NSUN7: variants seen among roughly 807,000 people sequenced by gnomAD.
NSUN7 encodes protein NSUN7.
A neutral mutation model predicts 58.5 loss-of-function variants in NSUN7; 39 were observed. That is an observed-to-expected ratio of 0.67 (90% confidence interval 0.52 to 0.87). NSUN7 has a LOEUF of 0.87. NSUN7 is among the 40% of genes least tolerant of loss of function. The pLI, the probability that NSUN7 is intolerant of heterozygous loss-of-function variation, is 0.00. For synonymous variants in NSUN7, 278 were observed against 303.7 expected (o/e 0.92, Z 0.88); for missense variants, 765 against 844.1 (o/e 0.91, Z 1.16).
Position 40,808,892 on chromosome 4 carries a change from G to T in NSUN7, c.2110G>T (p.Asp704Tyr). 7.8e-6 allele frequency: 12 copies of T among 1,543,596 alleles called. No individual in the cohort carries two copies. The highest frequency in any genetic ancestry group is 1.0e-5 in the Non-Finnish European group (12 of 1,146,254). The stretch of plus-strand genomic sequence containing the variant: ...ATCCAGAAAAGAGGAAAAGCCTAAA[G>T]ATGACACACCTTCCTCCCTACTCAG... ...SLSRKEEKPK[D>Y]DTPSSLLRPP... Residue 704 changes from aspartate (D) to tyrosine (Y), a missense_variant, in exon 12 of 12, where the codon GAT becomes TAT. Coordinates refer to ENST00000381782, the MANE Select transcript of NSUN7 (RefSeq NM_024677.6).
At chr4:40,753,692 T>G (rs1168491759) in intron 2 of NSUN7, among the ~76,000 whole-genome samples, 1 of 152,240 alleles carries the variant, frequency 6.6e-6, no homozygotes, top group African/African-American at 2.4e-5. Flanking sequence ...CTTATAATAA[T>G]ACGTTGATAT....
At chr4:40,807,001 C>T in intron 10 of NSUN7, 60 bp from the exon 11 acceptor site, 1 of 1,519,698 alleles carries the variant, frequency 6.6e-7, no homozygotes, top group South Asian at 1.3e-5. Context: ...AATTTACTTT[C>T]TTCCTCTCTT....
chr4:40,775,985 A>G lies in NSUN7; in HGVS notation c.826-64A>G, dbSNP rs904597969. The G allele has an allele frequency of 2.1e-5, 22 of 1,059,672 alleles. No individual in the cohort carries two copies. The Admixed American group carries it at 2.2e-4, about 10-fold the overall frequency. The allele number at this position is 1,059,672 out of a possible 1,614,324, so 65.6% of individuals were successfully genotyped here. A position where few individuals can be genotyped will look rare whatever the true frequency, so the allele number is the denominator to read the frequency against. ...AGGTACTTTCTTTTATGTAAAGCAAATAGAAGTCAGCTTATATTTCTAGCC... is the reference window on the plus strand; with the variant it reads ...AGGTACTTTCTTTTATGTAAAGCAAGTAGAAGTCAGCTTATATTTCTAGCC... On this transcript the variant is annotated intron_variant, in intron 6 of 11. Coordinates refer to ENST00000381782, the MANE Select transcript of NSUN7 (RefSeq NM_024677.6). The surrounding 1 kb of genome is among the most constrained non-coding windows in gnomAD (Gnocchi z 4.3).
Position 40,787,850 on chromosome 4 carries a change from G to A in NSUN7, c.1037-2752G>A, listed in dbSNP as rs150183368. 5.2e-3 allele frequency among the ~76,000 whole-genome samples: 786 copies of A among 152,060 alleles called. 1 individual carries two copies. Among genetic ancestry groups the A allele is most frequent in the Non-Finnish European group, 8.8e-3 (596 of 67,980 alleles). On this transcript the variant is annotated intron_variant, in intron 7 of 11. Coordinates refer to ENST00000381782, the MANE Select transcript of NSUN7 (RefSeq NM_024677.6). ...TTTCCTTTTATTTATTTATTTTTTT[G>A]AGACGGAGTCTTGCTCTGTCGCCCA...
Position 40,775,929 on chromosome 4 carries a change from T to G in NSUN7, c.826-120T>G, listed in dbSNP as rs148872276. ...TAGACATATATTAAGATGTTAAAAC[T>G]AAAATTGGTTAGGTCTCTAATATTA... On this transcript the variant is annotated intron_variant, in intron 6 of 11. Transcript: ENST00000381782. This position sits in a 1 kb window ranked among gnomAD's most constrained non-coding sequence, Gnocchi z 4.3. 2 of 559,806 alleles carry G rather than the reference T, an allele frequency of 3.6e-6. No individual in the cohort carries two copies. The highest frequency in any genetic ancestry group is 2.9e-5 in the East Asian group (1 of 33,972). The allele number at this position is 559,806 out of a possible 1,614,324, so 34.7% of individuals were successfully genotyped here. A position where few individuals can be genotyped will look rare whatever the true frequency, so the allele number is the denominator to read the frequency against.
At chr4:40,762,310 A>G (rs1318812720) in intron 4 of NSUN7, among the ~76,000 whole-genome samples, 3 of 152,246 alleles carry the variant, frequency 2.0e-5, no homozygotes, top group African/African-American at 7.2e-5. Flanking sequence ...ACTTTAATAG[A>G]AAGTACAATG....
chr4:40,809,203 T>C lies in NSUN7; in HGVS notation c.*264T>C, dbSNP rs1277648580. 1.2e-5 allele frequency: 4 copies of C among 331,348 alleles called. No homozygotes were observed. The highest frequency in any genetic ancestry group is 9.4e-5 in the Admixed American group (2 of 21,338). The allele number at this position is 331,348 out of a possible 1,614,324, so 20.5% of individuals were successfully genotyped here. On this transcript the variant is annotated 3_prime_UTR_variant, in exon 12 of 12. Coordinates refer to ENST00000381782, the MANE Select transcript of NSUN7 (RefSeq NM_024677.6). ...AGACTCAGTATCAGCGGTCAGAACT[T>C]ATCTCACTCCTGTGAACTTTCAGGC... is the stretch of plus-strand genomic sequence containing the variant.
intron 7 of NSUN7, chr4:40,786,177 C>T (rs1320477716): frequency 1.3e-5 from 21 of 1,613,398 alleles, no homozygotes; most frequent in Non-Finnish European, 1.6e-5. Flanking sequence ...AGTCCTTCCA[C>T]ATTGTTATTC....
chr4:40,807,201 C>G lies in NSUN7; in HGVS notation c.1524+17C>G. 6.5e-7 allele frequency: 1 copy of G among 1,542,514 alleles called. No homozygotes were observed. On this transcript the variant is annotated intron_variant, in intron 11 of 11. Coordinates refer to ENST00000381782, the MANE Select transcript of NSUN7 (RefSeq NM_024677.6). Reference sequence around the variant, plus strand: ...ACAAGGGAGGTAAGGAAAAAAAATCCTAATCCATGTCATACTTTGGAATTA... The same window carrying G: ...ACAAGGGAGGTAAGGAAAAAAAATCGTAATCCATGTCATACTTTGGAATTA...
At position 40,808,610 on chromosome 4, in the gene NSUN7, GC is replaced by G. The variant is rs1560567993; in HGVS notation, c.1834del (p.His612IlefsTer8). The part of the protein sequence containing the change: ...SSQTRKPNKL[A>X]PHPAVPAFVK... ...ACAGACCAGAAAACCCAACAAGCTGGCCCCCCATCCTGCAGTGCCTGCATTT... is the reference window on the plus strand; with the variant it reads ...ACAGACCAGAAAACCCAACAAGCTGGCCCCCATCCTGCAGTGCCTGCATTT... On this transcript the variant is annotated frameshift_variant, in exon 12 of 12. Transcript: ENST00000381782. LOFTEE classifies it low-confidence loss of function (END_TRUNC). The G allele has an allele frequency of 1.3e-6, 2 of 1,551,474 alleles. No homozygotes were observed. Among genetic ancestry groups the G allele is most frequent in the Admixed American group, 2.0e-5 (1 of 50,952 alleles).
rs74400351 is a variant in NSUN7, at chr4:40,750,367, T to C, written c.-92+67T>C. The C allele has an allele frequency of 1.7e-5, 4 of 239,088 alleles. No individual in the cohort carries two copies. The East Asian group carries it at 3.9e-4, about 23-fold the overall frequency. The allele number at this position is 239,088 out of a possible 1,614,324, so 14.8% of individuals were successfully genotyped here. On this transcript the variant is annotated intron_variant, in intron 1 of 11. Coordinates refer to ENST00000381782, the MANE Select transcript of NSUN7 (RefSeq NM_024677.6). Reference sequence around the variant, plus strand: ...ACGCGGACGGGGCTCCGGGGGCAGCTCTGCCCCCAGACTGGCTTGAGGGAA... The same window carrying C: ...ACGCGGACGGGGCTCCGGGGGCAGCCCTGCCCCCAGACTGGCTTGAGGGAA...
In NSUN7 at chr4:40,794,440, C is replaced by T; in HGVS notation, c.1246C>T (p.Gln416Ter). 10 of 1,611,874 alleles carry T rather than the reference C, an allele frequency of 6.2e-6. No homozygotes were observed. Among genetic ancestry groups the T allele is most frequent in the Non-Finnish European group, 8.5e-6 (10 of 1,178,340 alleles). ...AGTGGACAAACTTCACGTTCTTGCT[C>T]AACAGCAGTATGAACAGCTAACACA... The part of the protein sequence containing the change: ...ISVDKLHVLA[Q>*]QQYEQLTHAM... The change falls in exon 9 of 12, where the codon CAA (glutamine) becomes TAA (stop). Residue 416 changes from glutamine (Q) to a stop codon, truncating the protein, a stop_gained. Transcript: ENST00000381782. LOFTEE classifies it high-confidence loss of function.
chr4:40,772,397 C>A (rs1359162534), intron 4 of NSUN7, among the ~76,000 whole-genome samples: 1 of 152,120 alleles, frequency 6.6e-6, no homozygotes. Flanking sequence ...TTTTGAGGTG[C>A]ATTAATGTAC....
At chr4:40,805,046 C>G (rs913501979) in intron 10 of NSUN7, among the ~76,000 whole-genome samples, 1 of 152,144 alleles carries the variant, frequency 6.6e-6, no homozygotes, top group African/African-American at 2.4e-5. Flanking sequence ...GTGTTATCCA[C>G]GGCAGCGAGC....
In NSUN7 at chr4:40,809,906, T is replaced by A. The variant is rs979341180; in HGVS notation, c.*967T>A. ...TGTATTCTCAATTGCCTACCAAAAATTGGTATGATTATCATTTCTGGGTCT... is the reference window on the plus strand; with the variant it reads ...TGTATTCTCAATTGCCTACCAAAAAATGGTATGATTATCATTTCTGGGTCT... On this transcript the variant is annotated 3_prime_UTR_variant, in exon 12 of 12. Transcript: ENST00000381782. The A allele has an allele frequency of 6.6e-6, 1 of 152,202 alleles. No homozygotes were observed. The highest frequency in any genetic ancestry group is 2.4e-5 in the African/African-American group (1 of 41,438). The allele number at this position is 152,202 out of a possible 1,614,324, so 9.4% of individuals were successfully genotyped here.
At position 40,774,348 on chromosome 4, in the gene NSUN7, C is replaced by T. The variant is rs780501103; in HGVS notation, c.572C>T (p.Thr191Ile). Residue 191 changes from threonine (T) to isoleucine (I), a missense_variant, in exon 5 of 12, where the codon ACA becomes ATA. Physicochemically the swap from Thr to Ile is moderately conservative, Grantham distance 89. Coordinates refer to ENST00000381782, the MANE Select transcript of NSUN7 (RefSeq NM_024677.6). ...ALSIYHILPE[T>I]VRKQELRAST... is the part of the protein sequence containing the mutation. The stretch of plus-strand genomic sequence containing the variant: ...TCAATTTACCACATCCTTCCAGAAA[C>T]AGTTAGGAAACAGGAACTAAGGGCC... 1 of 1,613,954 alleles carries T rather than the reference C, an allele frequency of 6.2e-7. No homozygotes were observed. The highest frequency in any genetic ancestry group is 1.1e-5 in the South Asian group (1 of 91,078).
intron 2 of NSUN7, among the ~76,000 whole-genome samples, chr4:40,759,613 A>C (rs1213162163): frequency 1.3e-5 from 2 of 152,248 alleles, no homozygotes; most frequent in Non-Finnish European, 2.9e-5. Context: ...ACTCTGAGAG[A>C]ATAGAGGAAG....
intron 2 of NSUN7, among the ~76,000 whole-genome samples, chr4:40,754,004 GTA>G (rs200861960): frequency 0.012 from 1,758 of 152,214 alleles, 32 homozygotes; most frequent in African/African-American, 0.04. Flanking sequence ...CCAGTCTCGG[GTA>G]TATCTTTATC....
chr4:40,759,715 C>G (rs554315181), intron 2 of NSUN7, among the ~76,000 whole-genome samples: 2 of 152,316 alleles, frequency 1.3e-5, no homozygotes, highest in East Asian at 3.9e-4. Context: ...CAACATCCCT[C>G]ATGAACATGA....
Sources: allele counts gnomAD v4.1 joint callset (sites outside exome capture counted in the v4.1 genomes callset), GRCh38; gene constraint gnomAD v4.1.1; non-coding constraint Gnocchi (gnomAD v3.1); transcripts MANE v1.5; gene names NCBI Gene and HGNC (gene_info 2026-07-23, HGNC 2026-07-21).